The following EXOC4 variants were observed in gnomAD, a reference collection of about 807,000 sequenced individuals.
EXOC4 encodes SEC8-like 1.
A neutral mutation model predicts 107.2 loss-of-function variants in EXOC4; 71 were observed. The ratio of observed to expected loss-of-function variants is 0.66; its 90% confidence interval spans 0.55 to 0.81. The LOEUF (loss-of-function observed/expected upper bound fraction) is 0.81. Ranked by LOEUF, EXOC4 falls within the 30% of genes least tolerant of loss-of-function variation. The pLI, the probability that EXOC4 is intolerant of heterozygous loss-of-function variation, is 0.00. For missense variants in EXOC4, 1,108 were observed against 1,189.6 expected (o/e 0.93, Z 1.01); for synonymous variants, 456 against 441.2 (o/e 1.03, Z -0.42).
At chr7:133,783,131 C>T (rs955621538) in intron 10 of EXOC4, among the ~76,000 whole-genome samples, 8 of 152,138 alleles carry the variant, frequency 5.3e-5, no homozygotes, top group South Asian at 2.1e-4. Flanking sequence ...AGCATTAATA[C>T]GTTATTTTTT....
chr7:133,420,340 T>G (rs1307989991), intron 7 of EXOC4, among the ~76,000 whole-genome samples: 1 of 151,862 alleles, frequency 6.6e-6, no homozygotes, highest in Non-Finnish European at 1.5e-5. Context: ...ATGGTATATA[T>G]GTGCCACATT....
At chr7:133,518,421 C>T (rs560864292) in intron 9 of EXOC4, among the ~76,000 whole-genome samples, 2 of 150,426 alleles carry the variant, frequency 1.3e-5, no homozygotes, top group African/African-American at 4.9e-5. Context: ...CATGGCCTCT[C>T]CTATTTTTTT....
intron 11 of EXOC4, among the ~76,000 whole-genome samples, chr7:133,831,954 T>G (rs1183512595): frequency 2.6e-5 from 4 of 152,206 alleles, no homozygotes; most frequent in Non-Finnish European, 2.9e-5. Context: ...TGACCTACCT[T>G]TCCCTCAGTG....
chr7:133,758,776 TTTA>T (rs1795970472), intron 10 of EXOC4, among the ~76,000 whole-genome samples: 1 of 152,242 alleles, frequency 6.6e-6, no homozygotes, highest in South Asian at 2.1e-4. Context: ...CAGATGATTC[TTTA>T]TTAATCTTTG....
In EXOC4 at chr7:133,493,850, A is replaced by G. The variant is rs917360968; in HGVS notation, c.1417+13712A>G. Among the ~76,000 whole-genome samples the G allele has an allele frequency of 3.3e-5, 5 of 152,190 alleles. No individual in the cohort carries two copies. The East Asian group carries it at 7.7e-4, about 23-fold the overall frequency. ...TTTAGTGAATTTGTCTTTCTGGCCT[A>G]TATTCACCCCAGAGATAAATATTAA... On this transcript the variant is annotated intron_variant, in intron 9 of 17. Coordinates refer to ENST00000253861, the MANE Select transcript of EXOC4 (RefSeq NM_021807.4).
Position 133,997,583 on chromosome 7 carries a change from G to C in EXOC4, c.2298G>C (p.Ser766=). 6.2e-7 allele frequency: 1 copy of C among 1,613,598 alleles called. No homozygotes were observed. Among genetic ancestry groups the C allele is most frequent in the East Asian group, 2.2e-5 (1 of 44,854 alleles). Residue 766 remains serine (S), a synonymous_variant, in exon 15 of 18, where the codon TCG becomes TCC. Coordinates refer to ENST00000253861, the MANE Select transcript of EXOC4 (RefSeq NM_021807.4). The part of the protein sequence containing the change: ...IMQTLSELAK[S]FQDMADRCLL... ...AGACTCTCAGTGAACTTGCCAAATC[G>C]TTCCAGGATATGGCTGACCGCTGCT... is the stretch of plus-strand genomic sequence containing the variant.
chr7:133,382,674 G>T (rs1264247693), intron 7 of EXOC4, among the ~76,000 whole-genome samples: 1 of 152,158 alleles, frequency 6.6e-6, no homozygotes, highest in African/African-American at 2.4e-5. Flanking sequence ...AGAGTTATAA[G>T]TGTTTAGAGT....
chr7:133,358,767 C>T (rs1472444689), intron 6 of EXOC4, among the ~76,000 whole-genome samples: 1 of 119,706 alleles, frequency 8.4e-6, no homozygotes, highest in African/African-American at 3.2e-5. Flanking sequence ...CTGTGTCTTT[C>T]ATAGGAGTTT....
At chr7:133,295,006 T>C (rs540966816) in intron 3 of EXOC4, among the ~76,000 whole-genome samples, 1 of 152,248 alleles carries the variant, frequency 6.6e-6, no homozygotes, top group East Asian at 1.9e-4. Flanking sequence ...TTAAGTGAGA[T>C]ATTAAACTGT....
At chr7:134,074,698 C>A in the EXOC4 span, among the ~76,000 whole-genome samples, 1 of 152,180 alleles carries the variant, frequency 6.6e-6, no homozygotes, top group Non-Finnish European at 1.5e-5. Context: ...GTGAATCATG[C>A]TGTTAGACTG....
intron 9 of EXOC4, among the ~76,000 whole-genome samples, chr7:133,502,078 C>T (rs1799586318): frequency 6.6e-6 from 1 of 151,996 alleles, no homozygotes; most frequent in South Asian, 2.1e-4. Context: ...CTTAAATTTC[C>T]AGCTTTTTGA....
At chr7:133,281,778 T>G (rs546364616) in intron 2 of EXOC4, among the ~76,000 whole-genome samples, 69 of 151,738 alleles carry the variant, frequency 4.5e-4, no homozygotes, top group African/African-American at 1.6e-3. Context: ...CTCGGCTTAC[T>G]GCAACCTTCG....
At chr7:133,485,971 G>A (rs1799263119) in intron 9 of EXOC4, among the ~76,000 whole-genome samples, 1 of 151,904 alleles carries the variant, frequency 6.6e-6, no homozygotes, top group Admixed American at 6.6e-5. Flanking sequence ...CTATCTCGGG[G>A]CTACTTAATA....
intron 10 of EXOC4, among the ~76,000 whole-genome samples, chr7:133,700,861 T>G (rs1036726800): frequency 7.9e-5 from 12 of 152,116 alleles, no homozygotes; most frequent in Admixed American, 5.2e-4. Flanking sequence ...AGTATTAACT[T>G]AGTTTAGTAG....
intron 4 of EXOC4, among the ~76,000 whole-genome samples, chr7:133,311,886 A>G (rs1450409026): frequency 6.6e-6 from 1 of 152,162 alleles, no homozygotes; most frequent in Admixed American, 6.5e-5. Flanking sequence ...CATTTGAAAA[A>G]TTAAATGCAG....
chr7:133,845,698 T>C (rs568056020), intron 11 of EXOC4, among the ~76,000 whole-genome samples: 37 of 152,054 alleles, frequency 2.4e-4, no homozygotes, highest in Non-Finnish European at 5.3e-4. Flanking sequence ...GCTCAGAACT[T>C]GGTATAAACA....
At chr7:133,315,323 C>G (rs1743762669) in intron 4 of EXOC4, 1 of 152,332 alleles carries the variant, frequency 6.6e-6, no homozygotes, top group South Asian at 2.1e-4. Flanking sequence ...GACTTTGGAG[C>G]AAGGTCTAAT....
chr7:133,895,956 C>T (rs1231226920), intron 12 of EXOC4, among the ~76,000 whole-genome samples: 1 of 152,170 alleles, frequency 6.6e-6, no homozygotes, highest in Non-Finnish European at 1.5e-5. Context: ...ACTACCAATG[C>T]ATGGCTCAGA....
intron 10 of EXOC4, among the ~76,000 whole-genome samples, chr7:133,790,508 A>G (rs1355221959): frequency 6.6e-6 from 1 of 152,252 alleles, no homozygotes; most frequent in Non-Finnish European, 1.5e-5. Flanking sequence ...GGCTGGAAAT[A>G]TGTGGAAGTA....
Sources: gnomAD v4.1 joint callset for allele counts (sites outside exome capture counted in the v4.1 genomes callset) on GRCh38, gnomAD v4.1.1 for gene constraint, MANE v1.5 for transcripts, NCBI Gene and HGNC (gene_info 2026-07-23, HGNC 2026-07-21) for gene names.